The following RCC1L variants were observed in gnomAD, a reference collection of about 807,000 sequenced individuals.
The protein encoded by RCC1L is RCC1-like G exchanging factor-like protein.
Under a neutral mutation model 58.6 loss-of-function variants are expected in RCC1L, and 46 were observed. That is an observed-to-expected ratio of 0.79 (90% CI 0.62 to 1.00). The LOEUF is 1.00. Among genes scored for constraint, RCC1L ranks in the 50% least tolerant of loss-of-function variants. The probability of loss-of-function intolerance (pLI) is 0.00; values close to 1 mark genes in which losing one functional copy is unlikely to be tolerated. For missense variants in RCC1L, 636 were observed against 623.6 expected (o/e 1.02, Z -0.21); for synonymous variants, 281 against 262.9 (o/e 1.07, Z -0.67).
Position 75,065,189 on chromosome 7 carries a change from T to TA in RCC1L, c.584-542dup, listed in dbSNP as rs782557967. Among the ~76,000 whole-genome samples the TA allele has an allele frequency of 3.7e-3, 504 of 137,656 alleles. 3 individuals carry two copies. The highest frequency in any genetic ancestry group is 7.2e-3 in the Middle Eastern group (2 of 276). 90.3% of individuals were successfully genotyped at this position (137,656 alleles called of 152,430 possible). On this transcript the variant is annotated intron_variant, in intron 3 of 10. Transcript: ENST00000610322. ...TCGACATTAACGTTTACTTTTTAATTAAAAAAAAAAAAAAAGAAAGAGCTC... is the reference window on the plus strand; with the variant it reads ...TCGACATTAACGTTTACTTTTTAATTAAAAAAAAAAAAAAAAGAAAGAGCTC...
chr7:75,039,897 T>C (rs1323623479), downstream of RCC1L, among the ~76,000 whole-genome samples: 1 of 152,008 alleles, frequency 6.6e-6, no homozygotes, highest in Non-Finnish European at 1.5e-5. Flanking sequence ...AATGGCATAG[T>C]AGGGTTTCTA....
chr7:75,068,320 CAAAAAAA>C (rs67141856), intron 2 of RCC1L, among the ~76,000 whole-genome samples: 2 of 114,458 alleles, frequency 1.7e-5, no homozygotes, highest in South Asian at 2.8e-4. Flanking sequence ...AACTCTGACT[CAAAAAAA>C]AAAAAAAAAA....
intron 8 of RCC1L, chr7:75,056,829 C>T: frequency 1.7e-6 from 2 of 1,169,358 alleles, no homozygotes; most frequent in Admixed American, 4.0e-5. Context: ...ATAGTCCCTT[C>T]CTTTTTTGAA....
Position 75,073,494 on chromosome 7 carries a change from A to G in RCC1L, c.244T>C (p.Ser82Pro), listed in dbSNP as rs2115577942. The change falls in exon 1 of 11, where the codon TCC becomes CCC. Residue 82 changes from serine to proline, a missense_variant. Coordinates refer to ENST00000610322, the MANE Select transcript of RCC1L (RefSeq NM_030798.5). Reference protein sequence around the residue: ...LGVPSFVVPSSGPGPRAGARP... With the variant: ...LGVPSFVVPSPGPGPRAGARP... ...GCGCCGGCGCGGGGCCCGGGCCCGG[A>G]GCTGGGCACCACAAAGGAAGGCACG... 1 of 1,395,604 alleles carries G rather than the reference A, an allele frequency of 7.2e-7. No individual in the cohort carries two copies. The highest frequency in any genetic ancestry group is 3.7e-5 in the Admixed American group (1 of 27,072). 86.5% of individuals were successfully genotyped at this position (1,395,604 alleles called of 1,614,324 possible). A position where few individuals can be genotyped will look rare whatever the true frequency, so the allele number is the denominator to read the frequency against.
At chr7:75,034,383 G>T (rs1037134503) in intron 10 of RCC1L, among the ~76,000 whole-genome samples, 1 of 152,190 alleles carries the variant, frequency 6.6e-6, no homozygotes, top group African/African-American at 2.4e-5. Flanking sequence ...AAGCATGGCG[G>T]TGTGTGCCTG....
chr7:75,070,894 G>C (rs1806702599), intron 1 of RCC1L, 125 bp from the exon 2 acceptor site: 1 of 1,283,074 alleles, frequency 7.8e-7, no homozygotes, highest in Non-Finnish European at 1.1e-6. Flanking sequence ...TTTTGTTTTT[G>C]AGACAGTCTC....
At chr7:75,027,199 CTT>C (rs2131962013) in exon 11 of RCC1L, 1 of 152,354 alleles carries the variant, frequency 6.6e-6, no homozygotes, top group Non-Finnish European at 1.5e-5. Context: ...TCAGACCTGA[CTT>C]GAGAGAACAA....
Position 75,042,484 on chromosome 7 carries a change from GCTT to G in RCC1L, c.*545_*547del, listed in dbSNP as rs1427534443. 156 of 989,896 alleles carry G rather than the reference GCTT, an allele frequency of 1.6e-4. 1 individual carries two copies. In the Middle Eastern group the frequency reaches 4.7e-3, roughly 30 times the overall value. 61.3% of individuals were successfully genotyped at this position (989,896 alleles called of 1,614,324 possible). A position where few individuals can be genotyped will look rare whatever the true frequency, so the allele number is the denominator to read the frequency against. On this transcript the variant is annotated 3_prime_UTR_variant, in exon 11 of 11. Coordinates refer to ENST00000610322, the MANE Select transcript of RCC1L (RefSeq NM_030798.5). ...TCCAGATGGAATCCCAGGCCACGGTGCTTCTAGTGTCCCCCCAGCGAGCTTGCG... is the reference window on the plus strand; with the variant it reads ...TCCAGATGGAATCCCAGGCCACGGTGCTAGTGTCCCCCCAGCGAGCTTGCG...
downstream of RCC1L, among the ~76,000 whole-genome samples, chr7:75,041,238 C>CTAAA (rs1162140685): frequency 9.0e-3 from 1,260 of 139,754 alleles, 9 homozygotes; most frequent in African/African-American, 0.014. Context: ...AACTAACTAA[C>CTAAA]TAAATAAATA....
At chr7:75,061,158 G>C in intron 6 of RCC1L, 49 bp downstream of exon 6, 1 of 1,488,214 alleles carries the variant, frequency 6.7e-7, no homozygotes, top group Non-Finnish European at 9.4e-7. Context: ...AGCTCCACAT[G>C]ACACGGGCTG....
At position 75,058,643 on chromosome 7, in the gene RCC1L, A is replaced by G; in HGVS notation, c.914T>C (p.Phe305Ser). The change falls in exon 7 of 11, where the codon TTT becomes TCT. Residue 305 changes from phenylalanine to serine, a missense_variant. Transcript: ENST00000610322. ...CLAVSADGGLFGWGNSEYLQL... is the reference protein window; with the variant it reads ...CLAVSADGGLSGWGNSEYLQL... ...CAGGTACTCCGAGTTTCCCCAACCA[A>G]AAAGTCCTCCGTCGGCGGACACGGC... The G allele has an allele frequency of 6.2e-7, 1 of 1,613,526 alleles. No individual in the cohort carries two copies. The highest frequency in any genetic ancestry group is 1.1e-5 in the South Asian group (1 of 90,972).
Position 75,056,003 on chromosome 7 carries a change from G to T in RCC1L, c.1129C>A (p.Pro377Thr), listed in dbSNP as rs1472445348. The T allele has an allele frequency of 5.6e-6, 9 of 1,613,764 alleles. No homozygotes were observed. Among genetic ancestry groups the T allele is most frequent in the Middle Eastern group, 3.3e-4 (2 of 6,078 alleles). ...KGPNLVESAV[P>T]EMIPPTLFGL... is the part of the protein sequence containing the mutation. ...AAGAGAGTGGGTGGAATCATTTCAG[G>T]GACGGCACTTTCCACTAGGTTTGGA... The change falls in exon 9 of 11, where the codon CCT becomes ACT. Residue 377 changes from proline to threonine, a missense_variant. Pro to Thr is a conservative substitution (Grantham distance 38, BLOSUM62 -1). Coordinates refer to ENST00000610322, the MANE Select transcript of RCC1L (RefSeq NM_030798.5).
intron 6 of RCC1L, 85 bp downstream of exon 6, chr7:75,061,122 T>C (rs1357220183): frequency 9.3e-7 from 1 of 1,070,302 alleles, no homozygotes; most frequent in Non-Finnish European, 1.5e-6. Flanking sequence ...AGAAGGGTTC[T>C]AGCCCATAAA....
intron 10 of RCC1L, among the ~76,000 whole-genome samples, chr7:75,029,092 G>A (rs1366305115): frequency 6.6e-6 from 1 of 152,364 alleles, no homozygotes. Context: ...CTGGAGGTCA[G>A]GAGAGAAGAC....
Position 75,055,438 on chromosome 7 carries a change from C to T in RCC1L, c.1231+463G>A, listed in dbSNP as rs962145582. 5.3e-4 allele frequency: 104 copies of T among 194,728 alleles called. No homozygotes were observed. The East Asian group carries it at 0.01, about 19-fold the overall frequency. The allele number at this position is 194,728 out of a possible 1,614,324, so 12.1% of individuals were successfully genotyped here. On this transcript the variant is annotated intron_variant, in intron 9 of 10. Transcript: ENST00000610322. The stretch of plus-strand genomic sequence containing the variant: ...TTGGAGAAATCGGTAGATTTACCTC[C>T]GTGAAACCACGGGACAGTCTGACAA...
intron 4 of RCC1L, among the ~76,000 whole-genome samples, chr7:75,063,548 TG>T (rs1383131818): frequency 1.3e-5 from 2 of 152,054 alleles, no homozygotes; most frequent in African/African-American, 4.8e-5. Context: ...TTTTAACACA[TG>T]GCCAAAGTTG....
chr7:75,056,761 G>C (rs2131993372), intron 8 of RCC1L: 1 of 1,519,718 alleles, frequency 6.6e-7, no homozygotes, highest in East Asian at 2.4e-5. Context: ...TTTTTGTTAA[G>C]AACTTCATTC....
chr7:75,039,308 T>A (rs947399182), downstream of RCC1L, among the ~76,000 whole-genome samples: 35 of 152,394 alleles, frequency 2.3e-4, no homozygotes, highest in Admixed American at 6.5e-4. Flanking sequence ...GAATGCAACC[T>A]GCTGGGCCGT....
At chr7:75,045,133 C>A (rs1423313747) in intron 10 of RCC1L, among the ~76,000 whole-genome samples, 2 of 152,100 alleles carry the variant, frequency 1.3e-5, no homozygotes, top group African/African-American at 4.8e-5. Flanking sequence ...CTTAGCCTCC[C>A]AAGTAGCTGG....
Sources: allele counts gnomAD v4.1 joint callset (sites outside exome capture counted in the v4.1 genomes callset), GRCh38; gene constraint gnomAD v4.1.1; transcripts MANE v1.5; gene names NCBI Gene and HGNC (gene_info 2026-07-23, HGNC 2026-07-21).